The following KIF12 variants were observed in gnomAD, a reference collection of about 807,000 sequenced individuals.
KIF12 encodes kinesin-like protein KIF12.
Under a neutral mutation model 87.9 loss-of-function variants are expected in KIF12, and 80 were observed. The ratio of observed to expected loss-of-function variants is 0.91; its 90% CI spans 0.76 to 1.10. The LOEUF (loss-of-function observed/expected upper bound fraction) is 1.10, where lower values mean the gene tolerates loss of function less well. Ranked by LOEUF, KIF12 falls within the 50% of genes least tolerant of loss-of-function variation. The probability of loss-of-function intolerance (pLI) is 0.00; values close to 1 mark genes in which losing one functional copy is unlikely to be tolerated. For missense variants in KIF12, 819 were observed against 865.3 expected, an observed-to-expected ratio of 0.95 and a Z score of 0.67; for synonymous variants, 353 against 348.5, an observed-to-expected ratio of 1.01 and a Z score of -0.14.
chr9:114,097,973 T>G, intron 5 of KIF12, 142 bp downstream of exon 5: 1 of 992,320 alleles, frequency 1.0e-6, no homozygotes. Context: ...TCTTTGGTCC[T>G]CAGCGTCCTC....
At chr9:114,097,915 A>C (rs761950857) in intron 5 of KIF12, 174 bp from the exon 6 acceptor site, 1 of 974,770 alleles carries the variant, frequency 1.0e-6, no homozygotes, top group South Asian at 1.7e-5. Flanking sequence ...AGAGCTAGGA[A>C]GGGGCCAAAG....
intron 3 of KIF12, 91 bp from the exon 4 acceptor site, chr9:114,098,520 C>A (rs1234182527): frequency 1.1e-5 from 5 of 476,038 alleles, no homozygotes; most frequent in Middle Eastern, 8.9e-4. Flanking sequence ...GCGGGGCACG[C>A]GGGAGGAGGG....
At position 114,095,067 on chromosome 9, in the gene KIF12, C is replaced by T. The variant is rs371948446; in HGVS notation, c.1075G>A (p.Ala359Thr). 2.5e-6 allele frequency: 4 copies of T among 1,609,806 alleles called. No individual in the cohort carries two copies. The highest frequency in any genetic ancestry group is 1.3e-5 in the African/African-American group (1 of 74,878). The stretch of plus-strand genomic sequence containing the variant: ...GTGGTGACCCGCTGAGCTCGGCTTG[C>T]ATATCGCAGGGTGCTGAGAGTCTCA... ...LPETLSTLRY[A>T]SRAQRVTTRP... is the part of the protein sequence containing the mutation. Residue 359 changes from alanine to threonine, a missense_variant, in exon 11 of 19, where the codon GCA (alanine) becomes ACA (threonine). Ala to Thr is a moderately conservative substitution (Grantham distance 58, BLOSUM62 0). Transcript: ENST00000640217.
In KIF12 at chr9:114,098,400, C is replaced by T. The variant is rs1349125234; in HGVS notation, c.201G>A (p.Val67=). Residue 67 remains valine, a synonymous_variant, in exon 4 of 19, where the codon GTG becomes GTA. Transcript: ENST00000640217. The part of the protein sequence containing the change: ...QVSPPGGGPE[V]AFRFGAVLDA... ...CTAGCACCGCACCGAAGCGGAACGC[C>T]ACTTCTGGACCCCCGCCTGGAGGAC... 15 of 1,512,718 alleles carry T rather than the reference C, an allele frequency of 9.9e-6. No individual in the cohort carries two copies. Among genetic ancestry groups the T allele is most frequent in the Non-Finnish European group, 1.3e-5 (15 of 1,137,678 alleles). 93.7% of individuals were successfully genotyped at this position (1,512,718 alleles called of 1,614,324 possible). A position where few individuals can be genotyped will look rare whatever the true frequency, so the allele number is the denominator to read the frequency against.
Position 114,093,923 on chromosome 9 carries a change from G to C in KIF12, c.1363C>G (p.Gln455Glu). 6.2e-7 allele frequency: 1 copy of C among 1,614,126 alleles called. No homozygotes were observed. The highest frequency in any genetic ancestry group is 8.5e-7 in the Non-Finnish European group (1 of 1,180,024). Residue 455 changes from glutamine to glutamate, a missense_variant, in exon 14 of 19, where the codon CAG (glutamine) becomes GAG (glutamate). Physicochemically the swap from Gln to Glu is conservative, Grantham distance 29. Coordinates refer to ENST00000640217, the MANE Select transcript of KIF12 (RefSeq NM_001388308.1). ...TGGACCTGCTGGGCCAGGATGCGCT[G>C]CTCATTCTGGGCCAGGTCTCGGCTA... is the stretch of plus-strand genomic sequence containing the variant. ...QNSRDLAQNEQRILAQQVHAL... is the reference protein window; with the variant it reads ...QNSRDLAQNEERILAQQVHAL...
rs2134879837 is a variant in KIF12 at position 114,093,243 on chromosome 9, G to A, written c.1582C>T (p.His528Tyr). 6.4e-7 allele frequency: 1 copy of A among 1,553,294 alleles called. No homozygotes were observed. The highest frequency in any genetic ancestry group is 8.7e-7 in the Non-Finnish European group (1 of 1,147,564). Residue 528 changes from histidine to tyrosine, a missense_variant, in exon 16 of 19, where the codon CAC becomes TAC. By Grantham distance (83) the His-to-Tyr change is moderately conservative (BLOSUM62 2). Transcript: ENST00000640217. ...LAHWACLPGE[H>Y]HLPQVLDPEA... The stretch of plus-strand genomic sequence containing the variant: ...GCCTTTCCTACCTGGGGCAGGTGGT[G>A]CTCCCCTGGCAGGCAGGCCCAGTGG...
Position 114,094,255 on chromosome 9 carries a change from T to C in KIF12, c.1239A>G (p.Gly413=). The C allele has an allele frequency of 6.2e-7, 1 of 1,614,030 alleles. No homozygotes were observed. The highest frequency in any genetic ancestry group is 8.5e-7 in the Non-Finnish European group (1 of 1,179,958). Residue 413 remains glycine, a synonymous_variant, in exon 13 of 19, where the codon GGA becomes GGG. Coordinates refer to ENST00000640217, the MANE Select transcript of KIF12 (RefSeq NM_001388308.1). ...TCCGCTGGGCCCAGGCCACCCGGGC[T>C]CCACTGAGCCCTGAGGCTGCAGGGA... ...QMDCKASGLS[G]ARVAWAQRNL...
rs1172794006 is a variant in KIF12 at position 114,096,217 on chromosome 9, C to G, written c.739-10G>C. 7 of 1,613,328 alleles carry G rather than the reference C, an allele frequency of 4.3e-6. No homozygotes were observed. The highest frequency in any genetic ancestry group is 1.3e-5 in the African/African-American group (1 of 74,938). ...AAGGCATCTGCTGGGCCTGAGGGATCAGAGCTTCATGGGGACTTGGGAGGG... is the reference window on the plus strand; with the variant it reads ...AAGGCATCTGCTGGGCCTGAGGGATGAGAGCTTCATGGGGACTTGGGAGGG... On this transcript the variant is annotated splice_polypyrimidine_tract_variant and intron_variant, in intron 8 of 18. Transcript: ENST00000640217.
At chr9:114,098,265 C>T in intron 4 of KIF12, 37 bp downstream of exon 4, 1 of 1,507,812 alleles carries the variant, frequency 6.6e-7, no homozygotes, top group Non-Finnish European at 8.8e-7. Context: ...GGGGCCCCGC[C>T]AGGCCCGGCG....
chr9:114,095,666 T>C (rs1847194018), intron 9 of KIF12, among the ~76,000 whole-genome samples: 1 of 152,190 alleles, frequency 6.6e-6, no homozygotes, highest in Admixed American at 6.5e-5. Flanking sequence ...GCACAGCCCC[T>C]GAGGATCTCC....
intron 7 of KIF12, 125 bp downstream of exon 7, chr9:114,097,175 CT>C: frequency 7.8e-7 from 1 of 1,283,534 alleles, no homozygotes; most frequent in South Asian, 1.6e-5. Flanking sequence ...TTTACTGGTC[CT>C]TCCCCACCTC....
At chr9:114,098,062 G>A (rs1847310296) in intron 5 of KIF12, 53 bp downstream of exon 5, 33 of 1,503,050 alleles carry the variant, frequency 2.2e-5, no homozygotes, top group Non-Finnish European at 2.8e-5. Context: ...GCTCCCCAGG[G>A]CTTCCAGCCC....
At chr9:114,093,194 C>T in intron 16 of KIF12, 35 bp downstream of exon 16, 1 of 1,511,290 alleles carries the variant, frequency 6.6e-7, no homozygotes. Flanking sequence ...CCAGTTCTCC[C>T]AGCCTTCCCT....
At chr9:114,098,041 C>T (rs1009852661) in intron 5 of KIF12, 74 bp downstream of exon 5, 4 of 1,405,158 alleles carry the variant, frequency 2.8e-6, no homozygotes, top group Admixed American at 2.6e-5. Flanking sequence ...TGGGAGTCTG[C>T]GCCGCCTGCG....
chr9:114,097,669 C>G lies in KIF12; in HGVS notation c.448G>C (p.Val150Leu), dbSNP rs367963307. 4 of 1,614,132 alleles carry G rather than the reference C, an allele frequency of 2.5e-6. No individual in the cohort carries two copies. The highest frequency in any genetic ancestry group is 3.4e-6 in the Non-Finnish European group (4 of 1,180,016). Residue 150 changes from valine to leucine, a missense_variant, in exon 6 of 19, where the codon GTG becomes CTG. Transcript: ENST00000640217. ...GTGACAGGGGCACCCAGGTGCTGCACGCGGTCCAACAGCCAGGCGAAGGTC... is the reference window on the plus strand; with the variant it reads ...GTGACAGGGGCACCCAGGTGCTGCAGGCGGTCCAACAGCCAGGCGAAGGTC... ...QRTFAWLLDR[V>L]QHLGAPVTLR...
Position 114,095,141 on chromosome 9 carries a change from T to A in KIF12, c.1015-14A>T. 6.2e-7 allele frequency: 1 copy of A among 1,605,596 alleles called. No individual in the cohort carries two copies. The highest frequency in any genetic ancestry group is 8.5e-7 in the Non-Finnish European group (1 of 1,175,844). On this transcript the variant is annotated splice_polypyrimidine_tract_variant and intron_variant, in intron 10 of 18. Transcript: ENST00000640217. ...CACGCAGGCCACCTGGGGAGTGCAC[T>A]CCCCCTGAGCGCTCCTCTCTGAGGG...
At chr9:114,095,627 C>G (rs1458926335) in intron 9 of KIF12, among the ~76,000 whole-genome samples, 1 of 152,196 alleles carries the variant, frequency 6.6e-6, no homozygotes, top group Non-Finnish European at 1.5e-5. Context: ...GCGGGCATCT[C>G]ACATGCATGC....
Position 114,098,142 on chromosome 9 carries a change from G to T in KIF12, c.348C>A (p.Thr116=). The change falls in exon 5 of 19, where the codon ACC becomes ACA. Residue 116 remains threonine, a synonymous_variant. Coordinates refer to ENST00000640217, the MANE Select transcript of KIF12 (RefSeq NM_001388308.1). ...FTFGQTGSGK[T]YTLTGPPPQG... Reference sequence around the variant, plus strand: ...GGGGAGGGGGTCCAGTCAGGGTGTAGGTCTTCCCAGAGCCCGTCTGGCCAA... The same window carrying T: ...GGGGAGGGGGTCCAGTCAGGGTGTATGTCTTCCCAGAGCCCGTCTGGCCAA... 3 of 1,548,384 alleles carry T rather than the reference G, an allele frequency of 1.9e-6. No homozygotes were observed. Among genetic ancestry groups the T allele is most frequent in the Non-Finnish European group, 2.6e-6 (3 of 1,146,412 alleles).
rs1847366503 is a variant in KIF12, at chr9:114,098,946, G to A, written c.160C>T (p.Arg54Trp). 1.9e-6 allele frequency: 3 copies of A among 1,548,692 alleles called. No individual in the cohort carries two copies. Among genetic ancestry groups the A allele is most frequent in the Non-Finnish European group, 2.6e-6 (3 of 1,145,990 alleles). The change falls in exon 3 of 19, where the codon CGG (arginine) becomes TGG (tryptophan). Residue 54 changes from arginine to tryptophan, a missense_variant. Physicochemically the swap from Arg to Trp is moderately radical, Grantham distance 101 (BLOSUM62 -3). Transcript: ENST00000640217. ...GAGGGGTTCCTCACCTGCAGAGTCC[G>A]GGTCCCTGAGCAGTGCAGCACGCTC... ...QQSVLHCSGTRTLQVSPPGGG... is the reference protein window; with the variant it reads ...QQSVLHCSGTWTLQVSPPGGG...
Sources: gnomAD v4.1 joint callset for allele counts (sites outside exome capture counted in the v4.1 genomes callset) on GRCh38, gnomAD v4.1.1 for gene constraint, MANE v1.5 for transcripts, NCBI Gene and HGNC (gene_info 2026-07-23, HGNC 2026-07-21) for gene names.